MARCHF2: variants seen among roughly 807,000 people sequenced by gnomAD.
The protein encoded by MARCHF2 is E3 ubiquitin-protein ligase MARCHF2.
In MARCHF2, 22 loss-of-function variants were observed where a neutral mutation model predicts 24.0. The observed-to-expected ratio is 0.92, with a 90% confidence interval of 0.66 to 1.31. The LOEUF (loss-of-function observed/expected upper bound fraction) is 1.31. Among genes scored for constraint, MARCHF2 ranks in the 50% most tolerant of loss-of-function variants. The probability of loss-of-function intolerance (pLI) is 0.00; values close to 1 mark genes in which losing one functional copy is unlikely to be tolerated. For missense variants in MARCHF2, 301 were observed against 335.3 expected, an observed-to-expected ratio of 0.90 and a Z score of 0.80; for synonymous variants, 154 against 153.0, an observed-to-expected ratio of 1.01 and a Z score of -0.05.
At position 8,421,956 on chromosome 19, in the gene MARCHF2, A is replaced by G; in HGVS notation, c.116A>G (p.Gln39Arg). Reference sequence around the variant, plus strand: ...CTCGGACCGCCCCAGTATGTGGCACAGGTGACTTCAAGGGATGGCCGGCTC... The same window carrying G: ...CTCGGACCGCCCCAGTATGTGGCACGGGTGACTTCAAGGGATGGCCGGCTC... ...TGLGPPQYVA[Q>R]VTSRDGRLLS... The change falls in exon 2 of 5, where the codon CAG (glutamine) becomes CGG (arginine). Residue 39 changes from glutamine to arginine, a missense_variant. Physicochemically the swap from Gln to Arg is conservative, Grantham distance 43. Transcript: ENST00000215555. 1 of 1,613,678 alleles carries G rather than the reference A, an allele frequency of 6.2e-7. No homozygotes were observed.
At chr19:8,415,856 C>A (rs1219310084) in intron 1 of MARCHF2, among the ~76,000 whole-genome samples, 2 of 152,112 alleles carry the variant, frequency 1.3e-5, no homozygotes, top group African/African-American at 4.8e-5. Context: ...AGAGCTGAGT[C>A]CGACTTGCAG....
chr19:8,427,612 G>A (rs1967442812), intron 3 of MARCHF2: 1 of 152,140 alleles, frequency 6.6e-6, no homozygotes, highest in Non-Finnish European at 1.5e-5. Flanking sequence ...GCAACTTGGG[G>A]TGTCAGGCAA....
intron 1 of MARCHF2, among the ~76,000 whole-genome samples, chr19:8,420,084 G>C (rs1353855442): frequency 1.3e-5 from 2 of 150,400 alleles, no homozygotes; most frequent in African/African-American, 4.9e-5. Context: ...TGTGAACCCA[G>C]GAGGTGGAGC....
rs1967552421 is a variant in MARCHF2, at chr19:8,430,602, C to A, written c.373-56C>A. The A allele has an allele frequency of 2.7e-6, 4 of 1,461,696 alleles. No individual in the cohort carries two copies. The South Asian group carries it at 4.5e-5, about 17-fold the overall frequency. The allele number at this position is 1,461,696 out of a possible 1,614,324, so 90.5% of individuals were successfully genotyped here. A position where few individuals can be genotyped will look rare whatever the true frequency, so the allele number is the denominator to read the frequency against. On this transcript the variant is annotated intron_variant, in intron 3 of 4. Transcript: ENST00000215555. The surrounding 1 kb of genome is among the most constrained non-coding windows in gnomAD (Gnocchi z 4.4). ...AGGCCTGGAGGTCCTTACCCCTCCC[C>A]CTCAGTAGCCCCTTCTCTGCCCCCT...
chr19:8,426,551 G>A, intron 2 of MARCHF2, 58 bp from the exon 3 acceptor site: 6 of 1,441,200 alleles, frequency 4.2e-6, no homozygotes, highest in Non-Finnish European at 5.8e-6. Flanking sequence ...AGTGGGTAGT[G>A]AAGCAGGTAT....
At chr19:8,420,214 G>C (rs149801705) in intron 1 of MARCHF2, among the ~76,000 whole-genome samples, 11,477 of 150,294 alleles carry the variant, frequency 0.076, 677 homozygotes, top group African/African-American at 0.16. Flanking sequence ...TGAGTGTGGT[G>C]GTGGGCCCCT....
chr19:8,426,221 ACT>A lies in MARCHF2; in HGVS notation c.177-385_177-384del, dbSNP rs1481572990. Among the ~76,000 whole-genome samples the A allele has an allele frequency of 3.4e-5, 4 of 118,070 alleles. No homozygotes were observed. The East Asian group carries it at 1.0e-3, about 30-fold the overall frequency. 77.5% of individuals were successfully genotyped at this position (118,070 alleles called of 152,430 possible). On this transcript the variant is annotated intron_variant, in intron 2 of 4. Transcript: ENST00000215555. ...ACTCCAGCCTGGGTGACAGAGCGAGACTCTGTCTCAAAAAAAAAAAAAAAAAA... is the reference window on the plus strand; with the variant it reads ...ACTCCAGCCTGGGTGACAGAGCGAGACTGTCTCAAAAAAAAAAAAAAAAAA...
intron 1 of MARCHF2, among the ~76,000 whole-genome samples, chr19:8,420,320 C>T (rs897804588): frequency 2.0e-5 from 3 of 149,918 alleles, no homozygotes; most frequent in Non-Finnish European, 4.4e-5. Flanking sequence ...TGCACTCCAG[C>T]CTGGGCGACA....
chr19:8,436,793 C>A (rs962833536), intron 4 of MARCHF2, among the ~76,000 whole-genome samples: 3 of 148,278 alleles, frequency 2.0e-5, no homozygotes, highest in South Asian at 2.1e-4. Context: ...CAGGTTCAAG[C>A]GATTCTCTTG....
At chr19:8,415,737 A>AAAC (rs1568233659) in intron 1 of MARCHF2, among the ~76,000 whole-genome samples, 5 of 96,964 alleles carry the variant, frequency 5.2e-5, no homozygotes, top group Admixed American at 2.2e-4. Context: ...AAAAAAAACA[A>AAAC]AAAAAACAAA....
intron 4 of MARCHF2, among the ~76,000 whole-genome samples, chr19:8,432,400 A>C (rs1220978144): frequency 6.6e-6 from 1 of 151,958 alleles, no homozygotes; most frequent in Non-Finnish European, 1.5e-5. Flanking sequence ...GTGCACTTAC[A>C]CTCTCAGCTA....
intron 2 of MARCHF2, among the ~76,000 whole-genome samples, chr19:8,424,449 C>T (rs1352152869): frequency 3.9e-5 from 6 of 151,984 alleles, no homozygotes; most frequent in African/African-American, 7.2e-5. Context: ...GGGTGGATCA[C>T]GAGGTCAGGA....
At chr19:8,418,595 G>C (rs1352963869) in intron 1 of MARCHF2, 3 of 152,530 alleles carry the variant, frequency 2.0e-5, no homozygotes, top group East Asian at 3.9e-4. Flanking sequence ...TGTGATCATA[G>C]CTCACTACAG....
chr19:8,427,317 G>A (rs895223545), intron 3 of MARCHF2, among the ~76,000 whole-genome samples: 7 of 151,606 alleles, frequency 4.6e-5, no homozygotes, highest in African/African-American at 1.7e-4. Flanking sequence ...CCAAAGTGCT[G>A]GGATTACAGG....
chr19:8,430,735 G>C lies in MARCHF2; in HGVS notation c.450G>C (p.Pro150=). 1 of 1,611,300 alleles carries C rather than the reference G, an allele frequency of 6.2e-7. No homozygotes were observed. The highest frequency in any genetic ancestry group is 8.5e-7 in the Non-Finnish European group (1 of 1,179,996). Residue 150 remains proline, a synonymous_variant, in exon 4 of 5, where the codon CCG becomes CCC. Coordinates refer to ENST00000215555, the MANE Select transcript of MARCHF2 (RefSeq NM_001005415.2). The surrounding 1 kb of genome is among the most constrained non-coding windows in gnomAD (Gnocchi z 4.4). ...CDMVCFLFIT[P]LAAISGWLCL... ...TGGTGTGTTTCCTGTTCATCACACC[G>C]CTGGCCGCCATCTCAGGCTGGTTGT...
intron 4 of MARCHF2, among the ~76,000 whole-genome samples, chr19:8,437,937 G>T (rs536920938): frequency 1.3e-5 from 2 of 151,904 alleles, no homozygotes; most frequent in South Asian, 4.2e-4. Context: ...TAGAGACGGG[G>T]TTTTTAGTAG....
At chr19:8,425,721 A>T (rs1967380356) in intron 2 of MARCHF2, among the ~76,000 whole-genome samples, 3 of 151,180 alleles carry the variant, frequency 2.0e-5, no homozygotes, top group African/African-American at 7.3e-5. Context: ...GGCTGAAGTG[A>T]TACTCCTGCC....
chr19:8,438,634 C>T lies in MARCHF2; in HGVS notation c.*88C>T. Reference sequence around the variant, plus strand: ...TGGAAGGACTTCCACTTCAACACTTCCACTTCAACAGTTCCCGCACGGCCT... The same window carrying T: ...TGGAAGGACTTCCACTTCAACACTTTCACTTCAACAGTTCCCGCACGGCCT... On this transcript the variant is annotated 3_prime_UTR_variant, in exon 5 of 5. Transcript: ENST00000215555. The T allele has an allele frequency of 7.0e-7, 1 of 1,423,788 alleles. No individual in the cohort carries two copies. The highest frequency in any genetic ancestry group is 2.4e-5 in the East Asian group (1 of 41,116). 88.2% of individuals were successfully genotyped at this position (1,423,788 alleles called of 1,614,324 possible). A position where few individuals can be genotyped will look rare whatever the true frequency, so the allele number is the denominator to read the frequency against.
At chr19:8,437,831 A>G (rs1003899549) in intron 4 of MARCHF2, among the ~76,000 whole-genome samples, 1 of 149,326 alleles carries the variant, frequency 6.7e-6, no homozygotes, top group Non-Finnish European at 1.5e-5. Flanking sequence ...TGCGGCCCAT[A>G]TCTCCCAGGC....
Sources: allele counts gnomAD v4.1 joint callset (sites outside exome capture counted in the v4.1 genomes callset), GRCh38; gene constraint gnomAD v4.1.1; non-coding constraint Gnocchi (gnomAD v3.1); transcripts MANE v1.5; gene names NCBI Gene and HGNC (gene_info 2026-07-23, HGNC 2026-07-21).